RAB27B: variants seen among roughly 807,000 people sequenced by gnomAD.
RAB27B encodes ras-related protein Rab-27B.
A neutral mutation model predicts 24.6 loss-of-function variants in RAB27B; 15 were observed. The observed-to-expected ratio is 0.61, with a 90% CI of 0.41 to 0.94. The LOEUF (loss-of-function observed/expected upper bound fraction) is 0.94, where lower values mean the gene tolerates loss of function less well. Ranked by LOEUF, RAB27B falls within the 40% of genes least tolerant of loss-of-function variation. The pLI, the probability that RAB27B is intolerant of heterozygous loss-of-function variation, is 0.00. For missense variants in RAB27B, 261 were observed against 266.8 expected (o/e 0.98, Z 0.15); for synonymous variants, 105 against 92.5 (o/e 1.14, Z -0.78).
At chr18:54,884,590 G>A (rs1054972984) in intron 4 of RAB27B, among the ~76,000 whole-genome samples, 154 bp downstream of exon 4, 1 of 152,112 alleles carries the variant, frequency 6.6e-6, no homozygotes, top group Admixed American at 6.6e-5. Context: ...CACCTTCAAA[G>A]TGGTGGCCTT....
chr18:54,869,765 T>C (rs1912388934), intron 1 of RAB27B, among the ~76,000 whole-genome samples: 1 of 152,180 alleles, frequency 6.6e-6, no homozygotes, highest in East Asian at 1.9e-4. Flanking sequence ...TTCAAATATA[T>C]AGAATTAGAA....
At chr18:54,751,173 A>T (rs1302323659) in intron 2 of RAB27B, among the ~76,000 whole-genome samples, 1 of 152,142 alleles carries the variant, frequency 6.6e-6, no homozygotes, top group Admixed American at 6.6e-5. Flanking sequence ...TAGGAGCTTG[A>T]GGCACTGGAG....
intron 1 of RAB27B, among the ~76,000 whole-genome samples, chr18:54,867,442 C>CA (rs1555666327): frequency 1.5e-4 from 15 of 98,794 alleles, no homozygotes; most frequent in African/African-American, 5.4e-4. Context: ...CTTTTCTTTT[C>CA]TTTTTTTTTT....
chr18:54,867,272 A>G (rs899803634), intron 1 of RAB27B, among the ~76,000 whole-genome samples: 4 of 152,044 alleles, frequency 2.6e-5, no homozygotes, highest in Admixed American at 2.6e-4. Context: ...GATTGAGCCA[A>G]TTAGGTGTGG....
At chr18:54,797,738 C>T (rs1027584416) in intron 2 of RAB27B, among the ~76,000 whole-genome samples, 7 of 152,104 alleles carry the variant, frequency 4.6e-5, no homozygotes, top group African/African-American at 1.7e-4. Flanking sequence ...CCAATAGACT[C>T]GTCTCGGGAG....
intron 1 of RAB27B, among the ~76,000 whole-genome samples, chr18:54,851,065 T>C (rs974009237): frequency 3.7e-4 from 57 of 152,254 alleles, no homozygotes; most frequent in African/African-American, 1.3e-3. Context: ...AACAGGAGGT[T>C]GCTAATATTA....
At chr18:54,761,304 A>G (rs184465021) in intron 2 of RAB27B, among the ~76,000 whole-genome samples, 5 of 152,104 alleles carry the variant, frequency 3.3e-5, no homozygotes, top group Admixed American at 3.3e-4. Flanking sequence ...TTTCACTCAA[A>G]TAGATAGAGT....
chr18:54,877,483 A>C (rs540942945), intron 1 of RAB27B, 84 bp from the exon 2 acceptor site: 2 of 1,131,480 alleles, frequency 1.8e-6, no homozygotes, highest in African/African-American at 1.6e-5. Context: ...TAACCCTGAA[A>C]ATTAAATTTA....
chr18:54,880,489 T>A (rs1912880496), intron 3 of RAB27B: 1 of 152,172 alleles, frequency 6.6e-6, no homozygotes, highest in Non-Finnish European at 1.5e-5. Context: ...AACACTTCCA[T>A]CTTTGAAATG....
intron 2 of RAB27B, among the ~76,000 whole-genome samples, chr18:54,805,068 G>T (rs529040159): frequency 3.3e-5 from 5 of 151,242 alleles, no homozygotes; most frequent in Non-Finnish European, 5.9e-5. Context: ...CTGACAGGGA[G>T]GTTTCTGGAG....
chr18:54,870,016 C>T (rs1348139176), intron 1 of RAB27B, among the ~76,000 whole-genome samples: 5 of 152,084 alleles, frequency 3.3e-5, no homozygotes, highest in Admixed American at 6.5e-5. Context: ...CGTGGTTTTA[C>T]ATAGAATTTT....
chr18:54,789,247 CAT>C (rs1391600539), intron 2 of RAB27B, among the ~76,000 whole-genome samples: 1 of 152,138 alleles, frequency 6.6e-6, no homozygotes, highest in African/African-American at 2.4e-5. Context: ...AACATTGAAA[CAT>C]ATTATTTCTG....
chr18:54,783,142 T>A (rs1215050209), intron 2 of RAB27B, among the ~76,000 whole-genome samples: 1 of 152,006 alleles, frequency 6.6e-6, no homozygotes, highest in Non-Finnish European at 1.5e-5. Context: ...AAAATTTTTT[T>A]ATTTTTATTA....
At chr18:54,728,074 C>A (rs560362136) in intron 2 of RAB27B, among the ~76,000 whole-genome samples, 1 of 152,284 alleles carries the variant, frequency 6.6e-6, no homozygotes, top group South Asian at 2.1e-4. Flanking sequence ...GGAGACTGAG[C>A]AGTACATTTC....
At chr18:54,754,346 ATC>A (rs1245579642) in intron 2 of RAB27B, among the ~76,000 whole-genome samples, 2 of 151,058 alleles carry the variant, frequency 1.3e-5, no homozygotes, top group South Asian at 2.1e-4. Context: ...AGTCAATTAA[ATC>A]TCTTTCTTTT....
At chr18:54,754,277 C>T (rs1280374711) in intron 2 of RAB27B, among the ~76,000 whole-genome samples, 1 of 152,126 alleles carries the variant, frequency 6.6e-6, no homozygotes, top group Admixed American at 6.6e-5. Flanking sequence ...CCTTGCTTCC[C>T]CTTGCCTTCT....
At chr18:54,795,573 A>T (rs192376738) in intron 2 of RAB27B, among the ~76,000 whole-genome samples, 4 of 152,302 alleles carry the variant, frequency 2.6e-5, no homozygotes, top group African/African-American at 9.6e-5. Context: ...ATGATGAATG[A>T]AGGGCCTGGA....
At position 54,879,317 on chromosome 18, in the gene RAB27B, A is replaced by C. The variant is rs1366192373; in HGVS notation, c.154-52A>C. Reference sequence around the variant, plus strand: ...ATGCTGAGTGAACCCAAAGAATTTGAGTGCTGACAAAATCCAAAGCAACCT... The same window carrying C: ...ATGCTGAGTGAACCCAAAGAATTTGCGTGCTGACAAAATCCAAAGCAACCT... On this transcript the variant is annotated intron_variant, in intron 2 of 5. Coordinates refer to ENST00000262094, the MANE Select transcript of RAB27B (RefSeq NM_004163.4). 14 of 1,361,008 alleles carry C rather than the reference A, an allele frequency of 1.0e-5. No individual in the cohort carries two copies. The East Asian group carries it at 3.2e-4, about 31-fold the overall frequency. The allele number at this position is 1,361,008 out of a possible 1,614,324, so 84.3% of individuals were successfully genotyped here. A position where few individuals can be genotyped will look rare whatever the true frequency, so the allele number is the denominator to read the frequency against.
intron 4 of RAB27B, among the ~76,000 whole-genome samples, chr18:54,887,037 C>CCCTT (rs1338985873): frequency 7.9e-6 from 1 of 127,004 alleles, no homozygotes; most frequent in Non-Finnish European, 1.7e-5. Context: ...CTCCCTCCCT[C>CCCTT]CCTCCCTTCC....
Sources: gnomAD v4.1 joint callset for allele counts (sites outside exome capture counted in the v4.1 genomes callset) on GRCh38, gnomAD v4.1.1 for gene constraint, MANE v1.5 for transcripts, NCBI Gene and HGNC (gene_info 2026-07-23, HGNC 2026-07-21) for gene names.